Variants in OCA2 observed in about 807,000 individuals in gnomAD.
OCA2 encodes OCA2 melanosomal transmembrane protein.
A neutral mutation model predicts 100.2 loss-of-function variants in OCA2; 77 were observed. The observed-to-expected ratio is 0.77, with a 90% CI of 0.64 to 0.93. OCA2 has a LOEUF of 0.93. Among genes scored for constraint, OCA2 ranks in the 40% least tolerant of loss-of-function variants. The probability of loss-of-function intolerance (pLI) is 0.00; values close to 1 mark genes in which losing one functional copy is unlikely to be tolerated. For missense variants in OCA2, 1,062 were observed against 1,089.1 expected, an observed-to-expected ratio of 0.98 and a Z score of 0.35; for synonymous variants, 432 against 439.2, an observed-to-expected ratio of 0.98 and a Z score of 0.21.
chr15:27,842,572 G>A (rs1029596531), intron 23 of OCA2, among the ~76,000 whole-genome samples: 6 of 152,182 alleles, frequency 3.9e-5, no homozygotes, highest in Non-Finnish European at 8.8e-5. Context: ...GGCAAAAACT[G>A]CTCTGATTTC....
chr15:28,074,673 CAAA>C (rs1172821817), intron 2 of OCA2, among the ~76,000 whole-genome samples: 5,306 of 66,452 alleles, frequency 0.08, 124 homozygotes, highest in East Asian at 0.28. Context: ...GACTCCGTCT[CAAA>C]AAAAAAAAAA....
At chr15:27,798,548 T>C (rs1411261783) in intron 23 of OCA2, among the ~76,000 whole-genome samples, 1 of 152,142 alleles carries the variant, frequency 6.6e-6, no homozygotes, top group Non-Finnish European at 1.5e-5. Context: ...AAGAAGGGGT[T>C]ATGAAATTAT....
At chr15:28,053,233 T>A (rs1179933246) in intron 2 of OCA2, among the ~76,000 whole-genome samples, 1 of 150,084 alleles carries the variant, frequency 6.7e-6, no homozygotes, top group Non-Finnish European at 1.5e-5. Flanking sequence ...GGCACACACA[T>A]GGTGTGTATC....
chr15:27,933,016 C>T (rs557399881), intron 18 of OCA2, among the ~76,000 whole-genome samples: 131 of 152,060 alleles, frequency 8.6e-4, no homozygotes, highest in Admixed American at 1.4e-3. Context: ...TATAGAGCCC[C>T]GAAATAAACA....
At chr15:27,829,086 G>A (rs1454566112) in intron 23 of OCA2, among the ~76,000 whole-genome samples, 2 of 152,134 alleles carry the variant, frequency 1.3e-5, no homozygotes, top group Middle Eastern at 3.2e-3. Context: ...ACCAGGATTC[G>A]GATGTGAACG....
chr15:27,779,346 T>C (rs1449287714), intron 23 of OCA2, among the ~76,000 whole-genome samples: 1 of 152,224 alleles, frequency 6.6e-6, no homozygotes, highest in Non-Finnish European at 1.5e-5. Context: ...CCATCTATTA[T>C]TGAAAATGGA....
chr15:27,764,773 A>T lies in OCA2; in HGVS notation c.2433-9301T>A, dbSNP rs543889187. Among the ~76,000 whole-genome samples the T allele has an allele frequency of 2.6e-5, 4 of 152,296 alleles. No individual in the cohort carries two copies. The South Asian group carries it at 8.3e-4, about 32-fold the overall frequency. On this transcript the variant is annotated intron_variant, in intron 23 of 23. Coordinates refer to ENST00000354638, the MANE Select transcript of OCA2 (RefSeq NM_000275.3). ...AAGGAGTTACAGGAAAGGGGTCCTG[A>T]TCCAGACCCCAAGAGAGGATTCTTA...
chr15:27,830,312 G>A (rs2034901319), intron 23 of OCA2, among the ~76,000 whole-genome samples: 1 of 152,200 alleles, frequency 6.6e-6, no homozygotes, highest in South Asian at 2.1e-4. Flanking sequence ...AGCTTTGGGA[G>A]AGCTGGAGAC....
At chr15:28,009,868 G>C (rs1375957588) in intron 9 of OCA2, among the ~76,000 whole-genome samples, 3 of 152,014 alleles carry the variant, frequency 2.0e-5, no homozygotes, top group Non-Finnish European at 4.4e-5. Context: ...ATAATCTATG[G>C]GTCAAAGTGG....
At chr15:27,953,103 A>C (rs113995406) in intron 17 of OCA2, among the ~76,000 whole-genome samples, 1,549 of 152,308 alleles carry the variant, frequency 0.01, 28 homozygotes, top group African/African-American at 0.035. Context: ...CTGTAGCTTC[A>C]TGGATGCAGG....
chr15:27,911,055 A>C (rs1406620333), intron 19 of OCA2, among the ~76,000 whole-genome samples: 1 of 152,228 alleles, frequency 6.6e-6, no homozygotes, highest in Non-Finnish European at 1.5e-5. Flanking sequence ...AAGATGAGCA[A>C]AGGAGAACAG....
intron 14 of OCA2, among the ~76,000 whole-genome samples, chr15:27,967,575 C>T (rs1272609803): frequency 2.0e-5 from 3 of 152,258 alleles, no homozygotes; most frequent in Non-Finnish European, 4.4e-5. Context: ...TCATTTAAGT[C>T]CCTGCCATCG....
intron 19 of OCA2, among the ~76,000 whole-genome samples, chr15:27,873,770 T>C (rs1212899911): frequency 1.3e-5 from 2 of 152,184 alleles, no homozygotes; most frequent in Admixed American, 1.3e-4. Context: ...AAATAAATGA[T>C]CTCTTAATTT....
intron 23 of OCA2, among the ~76,000 whole-genome samples, chr15:27,784,124 A>G (rs1385119534): frequency 6.6e-6 from 1 of 152,272 alleles, no homozygotes; most frequent in Non-Finnish European, 1.5e-5. Flanking sequence ...GACAAGTAAC[A>G]GCATGTAGTA....
At chr15:27,979,870 T>G (rs1267794127) in intron 14 of OCA2, among the ~76,000 whole-genome samples, 4 of 42,764 alleles carry the variant, frequency 9.4e-5, no homozygotes, top group Non-Finnish European at 5.0e-4. Flanking sequence ...CAGCTAGTGT[T>G]TTTTTTTTTT....
chr15:27,855,642 T>G (rs1488067666), intron 21 of OCA2, among the ~76,000 whole-genome samples: 3 of 152,260 alleles, frequency 2.0e-5, no homozygotes, highest in Admixed American at 6.5e-5. Flanking sequence ...CATGTTATCT[T>G]GTCTATGCTC....
intron 2 of OCA2, among the ~76,000 whole-genome samples, chr15:28,055,218 T>C (rs1432830442): frequency 5.3e-5 from 8 of 152,218 alleles, no homozygotes; most frequent in Admixed American, 5.2e-4. Context: ...CTGTTATTCC[T>C]GTGTTGGTGT....
intron 9 of OCA2, among the ~76,000 whole-genome samples, chr15:28,001,192 T>C (rs2041913316): frequency 6.6e-6 from 1 of 151,984 alleles, no homozygotes; most frequent in South Asian, 2.1e-4. Context: ...GTAGCCAAGA[T>C]ACAGAAACAA....
intron 16 of OCA2, among the ~76,000 whole-genome samples, chr15:27,956,384 T>TA (rs984005544): frequency 3.7e-4 from 56 of 152,138 alleles, no homozygotes; most frequent in African/African-American, 1.3e-3. Context: ...GACCTTGCTT[T>TA]AGGACACCCT....
Sources: allele counts gnomAD v4.1 joint callset (sites outside exome capture counted in the v4.1 genomes callset), GRCh38; gene constraint gnomAD v4.1.1; transcripts MANE v1.5; gene names NCBI Gene and HGNC (gene_info 2026-07-23, HGNC 2026-07-21).